Variants in SH3BGRL observed in about 807,000 individuals in gnomAD.
The protein encoded by SH3BGRL is SH3 domain binding glutamate rich protein like.
A neutral mutation model predicts 9.8 loss-of-function variants in SH3BGRL; 7 were observed. The ratio of observed to expected loss-of-function variants is 0.72; its 90% CI spans 0.41 to 1.35. The LOEUF (loss-of-function observed/expected upper bound fraction) is 1.35, where lower values mean the gene tolerates loss of function less well. Among genes scored for constraint, SH3BGRL ranks in the 40% most tolerant of loss-of-function variants. The probability of loss-of-function intolerance (pLI) is 0.01; values close to 1 mark genes in which losing one functional copy is unlikely to be tolerated. For synonymous variants in SH3BGRL, 36 were observed against 29.1 expected, an observed-to-expected ratio of 1.24 and a Z score of -0.76; for missense variants, 73 against 84.4, an observed-to-expected ratio of 0.86 and a Z score of 0.53.
At chrX:81,272,701 A>G (rs964373300) in intron 1 of SH3BGRL, among the ~76,000 whole-genome samples, 2 of 109,425 alleles carry the variant, frequency 1.8e-5, no homozygotes, top group African/African-American at 3.3e-5. Flanking sequence ...GGGTTTCACC[A>G]TGTTAGTCAG....
chrX:81,278,335 A>G lies in SH3BGRL; in HGVS notation c.236A>G (p.Tyr79Cys), dbSNP rs765319160. The G allele has an allele frequency of 8.5e-7, 1 of 1,179,291 alleles. No individual in the cohort carries two copies. Among genetic ancestry groups the G allele is most frequent in the Non-Finnish European group, 1.1e-6 (1 of 870,838 alleles). The change falls in exon 3 of 4, where the codon TAT (tyrosine) becomes TGT (cysteine). Residue 79 changes from tyrosine (Y) to cysteine (C), a missense_variant. By Grantham distance (194) the Tyr-to-Cys change is radical. Coordinates refer to ENST00000373212, the MANE Select transcript of SH3BGRL (RefSeq NM_003022.3). ...IFNESQYRGD[Y>C]DAFFEARENN... ...TCTTATCTTCTTTTCATCAAGGACT[A>G]TGATGCCTTCTTTGAAGCCAGAGAA...
rs1429081360 is a variant in SH3BGRL at position 81,250,085 on chromosome X, A to T, written c.46-26899A>T. Among the ~76,000 whole-genome samples the T allele has an allele frequency of 3.7e-5, 4 of 109,082 alleles. No individual in the cohort carries two copies. The South Asian group carries it at 1.6e-3, about 43-fold the overall frequency. The allele number at this position is 109,082 out of a possible 115,157, so 94.7% of individuals were successfully genotyped here. A position where few individuals can be genotyped will look rare whatever the true frequency, so the allele number is the denominator to read the frequency against. ...TTGTCTCCATGTTCTGGAGTTATGG[A>T]CTTGCTTTTTCTTTCTTAAAAATAG... On this transcript the variant is annotated intron_variant, in intron 1 of 3. Transcript: ENST00000373212.
At chrX:81,289,158 A>G (rs1042485115) in intron 3 of SH3BGRL, among the ~76,000 whole-genome samples, 1 of 112,358 alleles carries the variant, frequency 8.9e-6, no homozygotes, top group African/African-American at 3.2e-5. Flanking sequence ...CAAAGGTGCC[A>G]AGAACATACA....
chrX:81,217,287 AT>A (rs745598230), intron 1 of SH3BGRL, among the ~76,000 whole-genome samples: 12 of 102,950 alleles, frequency 1.2e-4, no homozygotes, highest in African/African-American at 1.8e-4. Context: ...CTGATCTTTG[AT>A]TTTTTTTTTC....
intron 1 of SH3BGRL, among the ~76,000 whole-genome samples, chrX:81,215,936 T>G (rs1018511490): frequency 8.9e-6 from 1 of 111,861 alleles, no homozygotes; most frequent in Admixed American, 9.5e-5. Context: ...AATTAAAGAT[T>G]TGTGGCTTCA....
rs114357808 is a variant in SH3BGRL at position 81,271,050 on chromosome X, A to G, written c.46-5934A>G. ...AGGCTCCGTGGGCATGGGATCTACC[A>G]AGCCAGGCATGGGAGGGGATCTCCT... is the stretch of plus-strand genomic sequence containing the variant. On this transcript the variant is annotated intron_variant, in intron 1 of 3. Coordinates refer to ENST00000373212, the MANE Select transcript of SH3BGRL (RefSeq NM_003022.3). Among the ~76,000 whole-genome samples, 830 of 112,192 alleles carry G rather than the reference A, an allele frequency of 7.4e-3. 6 individuals carry two copies. The highest frequency in any genetic ancestry group is 0.028 in the Middle Eastern group (6 of 218).
In SH3BGRL at chrX:81,298,528, C is replaced by T. The variant is rs1802193; in HGVS notation, c.*1301C>T. ...TTGATGCTATGCTTTAAAATAAACT[C>T]AGTACTTTTAGAAACATAACTTATG... On this transcript the variant is annotated 3_prime_UTR_variant, in exon 4 of 4. Coordinates refer to ENST00000373212, the MANE Select transcript of SH3BGRL (RefSeq NM_003022.3). The T allele has an allele frequency of 1.8e-5, 2 of 111,277 alleles. No individual in the cohort carries two copies. Among genetic ancestry groups the T allele is most frequent in the Non-Finnish European group, 3.8e-5 (2 of 52,761 alleles). The allele number at this position is 111,277 out of a possible 1,213,427, so 9.2% of individuals were successfully genotyped here.
chrX:81,214,418 G>A (rs1394930737), intron 1 of SH3BGRL, among the ~76,000 whole-genome samples: 6 of 111,350 alleles, frequency 5.4e-5, no homozygotes, highest in East Asian at 2.8e-4. Flanking sequence ...TTATTCCAGC[G>A]TTATTAAAAA....
At chrX:81,221,140 C>A (rs2075598949) in intron 1 of SH3BGRL, among the ~76,000 whole-genome samples, 1 of 111,553 alleles carries the variant, frequency 9.0e-6, no homozygotes, top group Admixed American at 9.5e-5. Context: ...ATTTGTTCTA[C>A]AGGGCAACTG....
chrX:81,235,998 A>G (rs891754347), intron 1 of SH3BGRL, among the ~76,000 whole-genome samples: 4 of 111,353 alleles, frequency 3.6e-5, no homozygotes, highest in South Asian at 3.7e-4. Flanking sequence ...CCTAGTTTCT[A>G]TGTGGTCTGA....
At chrX:81,272,360 A>C (rs2075783403) in intron 1 of SH3BGRL, among the ~76,000 whole-genome samples, 1 of 111,379 alleles carries the variant, frequency 9.0e-6, no homozygotes, top group African/African-American at 3.3e-5. Context: ...TGTTCCTTTT[A>C]GATGTATTTT....
intron 1 of SH3BGRL, 183 bp downstream of exon 1, chrX:81,202,428 T>C (rs76784032): frequency 2.0e-6 from 2 of 1,019,494 alleles, no homozygotes; most frequent in South Asian, 3.0e-5. Context: ...TTTTTTTTTT[T>C]CCACATAGAG....
At chrX:81,265,190 CAG>C (rs2075752824) in intron 1 of SH3BGRL, among the ~76,000 whole-genome samples, 1 of 105,170 alleles carries the variant, frequency 9.5e-6, no homozygotes, top group Non-Finnish European at 2.0e-5. Context: ...AAAAAGAAAA[CAG>C]AGTAGAGTTT....
intron 3 of SH3BGRL, among the ~76,000 whole-genome samples, chrX:81,284,770 T>C (rs1299843916): frequency 1.8e-5 from 2 of 110,201 alleles, no homozygotes; most frequent in African/African-American, 3.3e-5. Context: ...CAGTTGAAAA[T>C]TGGCTAGGGA....
intron 1 of SH3BGRL, chrX:81,255,532 T>C (rs1267373494): frequency 8.9e-6 from 1 of 112,085 alleles, no homozygotes; most frequent in Non-Finnish European, 1.9e-5. Flanking sequence ...ATTAAGGATA[T>C]ATAAAATGAA....
At chrX:81,203,992 G>C (rs2075538063) in intron 1 of SH3BGRL, among the ~76,000 whole-genome samples, 1 of 110,718 alleles carries the variant, frequency 9.0e-6, no homozygotes, top group African/African-American at 3.3e-5. Context: ...CTCTCACCCT[G>C]GTAGTGGGCG....
chrX:81,255,590 A>G (rs1170333094), intron 1 of SH3BGRL: 2 of 112,282 alleles, frequency 1.8e-5, no homozygotes, highest in African/African-American at 6.5e-5. Context: ...AGTGAATTTG[A>G]ACAATCTGCC....
chrX:81,223,533 T>A (rs1329500916), intron 1 of SH3BGRL, among the ~76,000 whole-genome samples: 1 of 110,837 alleles, frequency 9.0e-6, no homozygotes, highest in Non-Finnish European at 1.9e-5. Flanking sequence ...TTAAAATAAG[T>A]CTGATGATTT....
At chrX:81,262,165 AG>A (rs2075743305) in intron 1 of SH3BGRL, among the ~76,000 whole-genome samples, 1 of 111,252 alleles carries the variant, frequency 9.0e-6, no homozygotes, top group South Asian at 3.7e-4. Context: ...ACTATGCAGT[AG>A]GAGCTTTTAT....
Sources: allele counts gnomAD v4.1 joint callset (sites outside exome capture counted in the v4.1 genomes callset), GRCh38; gene constraint gnomAD v4.1.1; transcripts MANE v1.5; gene names NCBI Gene and HGNC (gene_info 2026-07-23, HGNC 2026-07-21).